LRRC47: variants seen among roughly 807,000 people sequenced by gnomAD.
The protein encoded by LRRC47 is leucine-rich repeat-containing protein 47.
Under a neutral mutation model 40.9 loss-of-function variants are expected in LRRC47, and 31 were observed. That is an observed-to-expected ratio of 0.76 (90% CI 0.57 to 1.02). The LOEUF (loss-of-function observed/expected upper bound fraction) is 1.02, where lower values mean the gene tolerates loss of function less well. LRRC47 is among the 50% of genes least tolerant of loss of function. The pLI, the probability that LRRC47 is intolerant of heterozygous loss-of-function variation, is 0.00. For synonymous variants in LRRC47, 427 were observed against 371.9 expected (o/e 1.15, Z -1.70); for missense variants, 726 against 796.1 (o/e 0.91, Z 1.06).
At chr1:3,795,053 CAAAAA>C (rs35186516) in intron 1 of LRRC47, among the ~76,000 whole-genome samples, 3 of 61,620 alleles carry the variant, frequency 4.9e-5, no homozygotes, top group Non-Finnish European at 9.6e-5. Flanking sequence ...GACTACATCT[CAAAAA>C]AAAAAAAAAA....
At chr1:3,786,435 C>T (rs976107637) in intron 2 of LRRC47, among the ~76,000 whole-genome samples, 5 of 151,900 alleles carry the variant, frequency 3.3e-5, no homozygotes, top group Non-Finnish European at 5.9e-5. Flanking sequence ...AGGAGGCGGA[C>T]GCTACAGTGA....
At position 3,796,469 on chromosome 1, in the gene LRRC47, G is replaced by A; in HGVS notation, c.8C>T (p.Ala3Val). Residue 3 changes from alanine (A) to valine (V), a missense_variant, in exon 1 of 7, where the codon GCG becomes GTG. Ala to Val is a moderately conservative substitution (Grantham distance 64). Coordinates refer to ENST00000378251, the MANE Select transcript of LRRC47 (RefSeq NM_020710.3). ...CGGCCAAGACTCTGACACCGCTGCC[G>A]CCGCCATGGCGCCTCAGCTGCTGGC... MAAAAVSESWPEL... is the reference protein window; with the variant it reads MAVAAVSESWPEL... 5 of 1,507,152 alleles carry A rather than the reference G, an allele frequency of 3.3e-6. No homozygotes were observed. Among genetic ancestry groups the A allele is most frequent in the East Asian group, 2.8e-5 (1 of 36,286 alleles). 93.4% of individuals were successfully genotyped at this position (1,507,152 alleles called of 1,614,324 possible).
At chr1:3,795,410 T>C (rs551109683) in intron 1 of LRRC47, among the ~76,000 whole-genome samples, 85 of 152,352 alleles carry the variant, frequency 5.6e-4, no homozygotes, top group Middle Eastern at 3.4e-3. Flanking sequence ...AAAGCTGCTA[T>C]TAGGATGAAG....
Position 3,779,198 on chromosome 1 carries a change from T to C in LRRC47, c.*1890A>G, listed in dbSNP as rs532642109. On this transcript the variant is annotated 3_prime_UTR_variant, in exon 7 of 7. Transcript: ENST00000378251. Reference sequence around the variant, plus strand: ...TCTCAAGGCAGCCTGGCCCATGTCCTGCAAGGCTCTGAAGAGCCACCCAGC... The same window carrying C: ...TCTCAAGGCAGCCTGGCCCATGTCCCGCAAGGCTCTGAAGAGCCACCCAGC... 1 of 152,376 alleles carries C rather than the reference T, an allele frequency of 6.6e-6. No homozygotes were observed. The highest frequency in any genetic ancestry group is 2.1e-4 in the South Asian group (1 of 4,830). The allele number at this position is 152,376 out of a possible 1,614,324, so 9.4% of individuals were successfully genotyped here. A position where few individuals can be genotyped will look rare whatever the true frequency, so the allele number is the denominator to read the frequency against.
At chr1:3,790,102 G>C (rs1339860638) in intron 1 of LRRC47, among the ~76,000 whole-genome samples, 2 of 152,244 alleles carry the variant, frequency 1.3e-5, no homozygotes, top group Non-Finnish European at 2.9e-5. Flanking sequence ...TGGCTAAGCT[G>C]ACGGCAGCAA....
intron 2 of LRRC47, among the ~76,000 whole-genome samples, chr1:3,786,332 T>C (rs1643572979): frequency 6.6e-6 from 1 of 152,078 alleles, no homozygotes; most frequent in Admixed American, 6.5e-5. Context: ...ACCTCATCTC[T>C]TTTAAAAATA....
chr1:3,795,806 T>C (rs1643667810), intron 1 of LRRC47, 56 bp downstream of exon 1: 4 of 1,459,226 alleles, frequency 2.7e-6, no homozygotes, highest in Non-Finnish European at 2.7e-6. Context: ...GAGGGGTTCC[T>C]TCTCCAGGGC....
chr1:3,789,825 A>T (rs1048965602), intron 1 of LRRC47, among the ~76,000 whole-genome samples: 1 of 152,242 alleles, frequency 6.6e-6, no homozygotes, highest in East Asian at 1.9e-4. Flanking sequence ...CTGGCCCCTC[A>T]GGCCAGCACT....
At chr1:3,787,366 G>A (rs879005077) in intron 1 of LRRC47, 56 bp from the exon 2 acceptor site, 2 of 1,507,938 alleles carry the variant, frequency 1.3e-6, no homozygotes, top group African/African-American at 2.8e-5. Flanking sequence ...GAGAGTCCAA[G>A]GTCATGCTCG....
At chr1:3,786,786 G>A (rs1354357719) in intron 2 of LRRC47, 63 bp downstream of exon 2, 2 of 1,447,862 alleles carry the variant, frequency 1.4e-6, no homozygotes, top group African/African-American at 1.4e-5. Context: ...CTCAGGATGT[G>A]TCCCAGCTTG....
At chr1:3,782,879 G>T (rs1643534575) in intron 4 of LRRC47, 116 bp from the exon 5 acceptor site, 1 of 703,374 alleles carries the variant, frequency 1.4e-6, no homozygotes, top group Non-Finnish European at 2.6e-6. Flanking sequence ...AGGGCTGCAT[G>T]GGCCCAGGAG....
intron 5 of LRRC47, 67 bp downstream of exon 5, chr1:3,782,594 A>T: frequency 1.0e-6 from 1 of 970,800 alleles, no homozygotes; most frequent in East Asian, 2.4e-5. Context: ...CACGCCCCGC[A>T]GACTTGTGTT....
Position 3,795,851 on chromosome 1 carries a change from C to A in LRRC47, c.615+11G>T. ...GCCCCATCCCGCCCCGCCCGGGCAG[C>A]CCCCGCTGACCTTGAGCGAGGCCAG... On this transcript the variant is annotated intron_variant, in intron 1 of 6. Transcript: ENST00000378251. 1.3e-6 allele frequency: 2 copies of A among 1,560,458 alleles called. No individual in the cohort carries two copies. The highest frequency in any genetic ancestry group is 1.7e-6 in the Non-Finnish European group (2 of 1,160,358).
intron 1 of LRRC47, among the ~76,000 whole-genome samples, chr1:3,794,709 C>G (rs1643657451): frequency 6.6e-6 from 1 of 151,718 alleles, no homozygotes; most frequent in Non-Finnish European, 1.5e-5. Flanking sequence ...TGAGGAATTG[C>G]TACAGCAAAT....
intron 1 of LRRC47, among the ~76,000 whole-genome samples, chr1:3,790,329 T>A (rs58717732): frequency 0.021 from 3,233 of 152,276 alleles, 76 homozygotes; most frequent in East Asian, 0.11. Flanking sequence ...TCAGGAGGGT[T>A]CACATTGAGG....
chr1:3,786,364 A>G lies in LRRC47; in HGVS notation c.1077+485T>C, dbSNP rs550901501. 6.6e-5 allele frequency among the ~76,000 whole-genome samples: 10 copies of G among 152,194 alleles called. No homozygotes were observed. In the East Asian group the frequency reaches 2.0e-3, roughly 30 times the overall value. The stretch of plus-strand genomic sequence containing the variant: ...AATACAAAAAAATTAGCCAGACATG[A>G]TGGTGAGCACCTGTAATGCCAGCTA... On this transcript the variant is annotated intron_variant, in intron 2 of 6. Coordinates refer to ENST00000378251, the MANE Select transcript of LRRC47 (RefSeq NM_020710.3).
intron 1 of LRRC47, among the ~76,000 whole-genome samples, chr1:3,791,991 T>C (rs1428695701): frequency 1.3e-5 from 2 of 152,118 alleles, no homozygotes; most frequent in Non-Finnish European, 2.9e-5. Flanking sequence ...TGGGCTCAAG[T>C]GATCCGCCCG....
At chr1:3,782,220 CT>C (rs146141267) in intron 5 of LRRC47, among the ~76,000 whole-genome samples, 22 of 147,414 alleles carry the variant, frequency 1.5e-4, no homozygotes, top group South Asian at 2.1e-4. Flanking sequence ...TCTTCCTCTT[CT>C]TTTTTTTTTT....
At chr1:3,795,050 T>A (rs1643660158) in intron 1 of LRRC47, among the ~76,000 whole-genome samples, 1 of 91,138 alleles carries the variant, frequency 1.1e-5, no homozygotes. Flanking sequence ...CCAGACTACA[T>A]CTCAAAAAAA....
Sources: allele counts gnomAD v4.1 joint callset (sites outside exome capture counted in the v4.1 genomes callset), GRCh38; gene constraint gnomAD v4.1.1; transcripts MANE v1.5; gene names NCBI Gene and HGNC (gene_info 2026-07-23, HGNC 2026-07-21).